The following NDUFA10 variants were observed in gnomAD, a reference collection of about 807,000 sequenced individuals.
NDUFA10 encodes the protein NADH dehydrogenase [ubiquinone] 1 alpha subcomplex subunit 10, mitochondrial.
Under a neutral mutation model 47.8 loss-of-function variants are expected in NDUFA10, and 40 were observed. The observed-to-expected ratio is 0.84, with a 90% CI of 0.65 to 1.09. The LOEUF (loss-of-function observed/expected upper bound fraction) is 1.09, where lower values mean the gene tolerates loss of function less well. Among genes scored for constraint, NDUFA10 ranks in the 50% least tolerant of loss-of-function variants. The pLI, the probability that NDUFA10 is intolerant of heterozygous loss-of-function variation, is 0.00. For synonymous variants in NDUFA10, 183 were observed against 172.2 expected, an observed-to-expected ratio of 1.06 and a Z score of -0.49; for missense variants, 413 against 451.1, an observed-to-expected ratio of 0.92 and a Z score of 0.76.
chr2:239,939,055 C>T (rs1004735199), intron 4 of NDUFA10, among the ~76,000 whole-genome samples: 3 of 152,218 alleles, frequency 2.0e-5, no homozygotes, highest in African/African-American at 7.2e-5. Context: ...CCCCACAATG[C>T]TCTCCTTTCG....
In NDUFA10 at chr2:239,914,719, A is replaced by G. The variant is rs1693816722; in HGVS notation, c.295-19405T>C. Reference sequence around the variant, plus strand: ...ACAGAGAACACATACATAGACACACACAAATATACAGAGATACACATACAC... The same window carrying G: ...ACAGAGAACACATACATAGACACACGCAAATATACAGAGATACACATACAC... On this transcript the variant is annotated intron_variant, in intron 4 of 5. Transcript: ENST00000419408. Among the ~76,000 whole-genome samples the G allele has an allele frequency of 4.9e-5, 2 of 40,750 alleles. 1 individual carries two copies. Among genetic ancestry groups the G allele is most frequent in the Non-Finnish European group, 9.0e-5 (2 of 22,330 alleles). 26.7% of individuals were successfully genotyped at this position (40,750 alleles called of 152,430 possible).
At position 239,959,308 on chromosome 2, in the gene NDUFA10, T is replaced by C; in HGVS notation, c.*1810A>G. 1 of 985,468 alleles carries C rather than the reference T, an allele frequency of 1.0e-6. No homozygotes were observed. 61.0% of individuals were successfully genotyped at this position (985,468 alleles called of 1,614,324 possible). On this transcript the variant is annotated 3_prime_UTR_variant, in exon 10 of 10. Coordinates refer to ENST00000252711, the MANE Select transcript of NDUFA10 (RefSeq NM_004544.4). The stretch of plus-strand genomic sequence containing the variant: ...GGCAATCCTGACCACAGGGCAGACC[T>C]GCCCTCTCACTGCTGAGGACACTAC...
At chr2:239,903,659 C>G (rs1693594330) in intron 4 of NDUFA10, among the ~76,000 whole-genome samples, 1 of 152,244 alleles carries the variant, frequency 6.6e-6, no homozygotes, top group Non-Finnish European at 1.5e-5. Flanking sequence ...TATGTATATT[C>G]AGAAAATCTT....
chr2:240,014,844 G>C lies in NDUFA10; in HGVS notation c.564C>G (p.Asn188Lys). The change falls in exon 5 of 10, where the codon AAC becomes AAG. Residue 188 changes from asparagine (N) to lysine (K), a missense_variant. Asn to Lys is a moderately conservative substitution (Grantham distance 94, BLOSUM62 0). Coordinates refer to ENST00000252711, the MANE Select transcript of NDUFA10 (RefSeq NM_004544.4). The part of the protein sequence containing the change: ...FIRKQCVDHY[N>K]EVKSVTICDY... The stretch of plus-strand genomic sequence containing the variant: ...CGCAGATGGTGACGCTCTTCACCTC[G>C]TTGTAGTGGTCCACACCTGGCACAT... The C allele has an allele frequency of 3.1e-6, 5 of 1,614,188 alleles. No homozygotes were observed. Among genetic ancestry groups the C allele is most frequent in the Non-Finnish European group, 4.2e-6 (5 of 1,180,030 alleles).
At chr2:239,922,888 A>G (rs1694012243) in intron 4 of NDUFA10, among the ~76,000 whole-genome samples, 1 of 152,220 alleles carries the variant, frequency 6.6e-6, no homozygotes, top group Non-Finnish European at 1.5e-5. Context: ...AGAAAGGACA[A>G]TGATTACCAT....
intron 4 of NDUFA10, among the ~76,000 whole-genome samples, chr2:239,913,823 T>A (rs1261312995): frequency 6.6e-6 from 1 of 152,258 alleles, no homozygotes; most frequent in Admixed American, 6.5e-5. Flanking sequence ...CAAAGGCCAG[T>A]GTCTGTGCAC....
At chr2:240,006,961 G>A (rs1378421540) in intron 7 of NDUFA10, among the ~76,000 whole-genome samples, 1 of 152,196 alleles carries the variant, frequency 6.6e-6, no homozygotes, top group Admixed American at 6.5e-5. Flanking sequence ...AGATTTACTA[G>A]ACTTTCACAA....
At chr2:239,902,821 C>T (rs1005384020) in intron 4 of NDUFA10, among the ~76,000 whole-genome samples, 1 of 152,174 alleles carries the variant, frequency 6.6e-6, no homozygotes, top group African/African-American at 2.4e-5. Context: ...AGACCCAAAG[C>T]GGCCCTGAGA....
chr2:239,967,981 C>T lies in NDUFA10; in HGVS notation c.1000-6795G>A, dbSNP rs558532194. ...GAAATCAGTCAAGGAAAAAAATATA[C>T]ACACACACACACACACACACACACA... is the stretch of plus-strand genomic sequence containing the variant. On this transcript the variant is annotated intron_variant, in intron 9 of 9. Transcript: ENST00000252711. Among the ~76,000 whole-genome samples the T allele has an allele frequency of 1.8e-3, 268 of 145,190 alleles. 2 individuals are homozygous for T. The highest frequency in any genetic ancestry group is 3.0e-3 in the Non-Finnish European group (199 of 66,702).
intron 4 of NDUFA10, among the ~76,000 whole-genome samples, chr2:239,950,993 G>A (rs549341135): frequency 5.9e-5 from 9 of 152,302 alleles, no homozygotes; most frequent in South Asian, 2.1e-4. Context: ...TCAGCCCCTC[G>A]TTCCTTTGTC....
chr2:239,960,155 T>C lies in NDUFA10; in HGVS notation c.*963A>G. ...TGGAAAACCCACAGTTCAGTAGGAC[T>C]CACAACTGGCAGCCTGATTCCTAAT... On this transcript the variant is annotated 3_prime_UTR_variant, in exon 10 of 10. Coordinates refer to ENST00000252711, the MANE Select transcript of NDUFA10 (RefSeq NM_004544.4). 1.0e-6 allele frequency: 1 copy of C among 981,722 alleles called. No individual in the cohort carries two copies. The highest frequency in any genetic ancestry group is 1.2e-6 in the Non-Finnish European group (1 of 829,810). 60.8% of individuals were successfully genotyped at this position (981,722 alleles called of 1,614,324 possible).
chr2:239,987,213 G>A lies in NDUFA10; in HGVS notation c.999+2861C>T, dbSNP rs925350866. Among the ~76,000 whole-genome samples the A allele has an allele frequency of 1.3e-5, 2 of 152,154 alleles. No homozygotes were observed. Among genetic ancestry groups the A allele is most frequent in the Admixed American group, 6.5e-5 (1 of 15,274 alleles). ...GGCCTGTGGACTGGACAGCAGTAAC[G>A]CGTGATGCTCATTTCCTGACTCTGA... On this transcript the variant is annotated intron_variant, in intron 9 of 9. Coordinates refer to ENST00000252711, the MANE Select transcript of NDUFA10 (RefSeq NM_004544.4). The surrounding 1 kb of genome is among the most constrained non-coding windows in gnomAD (Gnocchi z 4.8).
At chr2:239,932,672 C>T (rs1363362520) in intron 4 of NDUFA10, among the ~76,000 whole-genome samples, 4 of 151,816 alleles carry the variant, frequency 2.6e-5, no homozygotes, top group Admixed American at 6.6e-5. Context: ...CTCCACCTCC[C>T]GGGTTCACGC....
intron 4 of NDUFA10, among the ~76,000 whole-genome samples, chr2:239,947,567 C>A (rs1282937237): frequency 6.6e-6 from 1 of 152,108 alleles, no homozygotes; most frequent in Non-Finnish European, 1.5e-5. Flanking sequence ...ACAGGGACGG[C>A]TCCTGACTCT....
chr2:239,927,809 G>A (rs539655604), intron 4 of NDUFA10, among the ~76,000 whole-genome samples: 1 of 152,314 alleles, frequency 6.6e-6, no homozygotes, highest in East Asian at 1.9e-4. Context: ...AGCCGCCACA[G>A]GTGGCAAAAT....
chr2:239,950,646 C>T (rs1191141720), intron 4 of NDUFA10, among the ~76,000 whole-genome samples: 2 of 152,208 alleles, frequency 1.3e-5, no homozygotes, highest in Non-Finnish European at 2.9e-5. Context: ...GCTGATTGAG[C>T]GGCTTCTTCC....
At position 239,960,532 on chromosome 2, in the gene NDUFA10, C is replaced by T; in HGVS notation, c.*586G>A. On this transcript the variant is annotated 3_prime_UTR_variant, in exon 10 of 10. Transcript: ENST00000252711. ...TTCTGTAAATCTGTGGTAATTTTCT[C>T]CTTTTGCTATTTCTTCTTCACGTTC... 2 of 998,604 alleles carry T rather than the reference C, an allele frequency of 2.0e-6. No individual in the cohort carries two copies. The highest frequency in any genetic ancestry group is 8.7e-5 in the South Asian group (2 of 23,032). 61.9% of individuals were successfully genotyped at this position (998,604 alleles called of 1,614,324 possible).
At chr2:239,949,757 C>T (rs992916519) in intron 4 of NDUFA10, among the ~76,000 whole-genome samples, 1 of 152,210 alleles carries the variant, frequency 6.6e-6, no homozygotes, top group East Asian at 1.9e-4. Flanking sequence ...ACTCGGATTA[C>T]AGGCGCGAGC....
chr2:240,009,579 A>G (rs1404821041), intron 6 of NDUFA10, among the ~76,000 whole-genome samples: 1 of 152,252 alleles, frequency 6.6e-6, no homozygotes, highest in Non-Finnish European at 1.5e-5. Context: ...AATGCTCTTT[A>G]TGCATTCATA....
Sources: gnomAD v4.1 joint callset for allele counts (sites outside exome capture counted in the v4.1 genomes callset) on GRCh38, gnomAD v4.1.1 for gene constraint, Gnocchi (gnomAD v3.1) non-coding constraint, MANE v1.5 for transcripts, NCBI Gene and HGNC (gene_info 2026-07-23, HGNC 2026-07-21) for gene names.